The following GPD1 variants were observed in gnomAD, a reference collection of about 807,000 sequenced individuals.
GPD1 encodes glycerol-3-phosphate dehydrogenase [NAD(+)], cytoplasmic.
In GPD1, 19 loss-of-function variants were observed where a neutral mutation model predicts 34.4. The ratio of observed to expected loss-of-function variants is 0.55; its 90% confidence interval spans 0.39 to 0.81. The LOEUF is 0.81. Ranked by LOEUF, GPD1 falls within the 30% of genes least tolerant of loss-of-function variation. The probability of loss-of-function intolerance (pLI) is 0.00; values close to 1 mark genes in which losing one functional copy is unlikely to be tolerated. For synonymous variants in GPD1, 172 were observed against 174.1 expected (o/e 0.99, Z 0.09); for missense variants, 429 against 447.0 (o/e 0.96, Z 0.36).
intron 1 of GPD1, 35 bp downstream of exon 1, chr12:50,104,126 T>TACC (rs1387181364): frequency 1.9e-6 from 3 of 1,599,480 alleles, no homozygotes; most frequent in Non-Finnish European, 2.6e-6. Context: ...GGGGGAAGGG[T>TACC]AGGCCCCCCA....
chr12:50,104,534 T>C, intron 1 of GPD1, 40 bp from the exon 2 acceptor site: 1 of 1,542,022 alleles, frequency 6.5e-7, no homozygotes, highest in Non-Finnish European at 9.0e-7. Flanking sequence ...CTGCCACTGT[T>C]CCCTCCTCCT....
rs200251017 is a variant in GPD1, at chr12:50,107,622, C to T, written c.668C>T (p.Thr223Ile). Residue 223 changes from threonine to isoleucine, a missense_variant, in exon 6 of 8, where the codon ACC (threonine) becomes ATC (isoleucine). By Grantham distance (89) the Thr-to-Ile change is moderately conservative. Coordinates refer to ENST00000301149, the MANE Select transcript of GPD1 (RefSeq NM_005276.4). ...GATGGCCTGGGCTTTGGCGACAACA[C>T]CAAGGCGGCAGTGATCCGGCTGGGA... is the stretch of plus-strand genomic sequence containing the variant. ...FCDGLGFGDN[T>I]KAAVIRLGLM... The T allele has an allele frequency of 2.2e-5, 36 of 1,614,022 alleles. 2 individuals are homozygous for T. The highest frequency in any genetic ancestry group is 2.9e-5 in the Non-Finnish European group (34 of 1,180,014).
At chr12:50,107,189 C>T in intron 5 of GPD1, 1 of 663,436 alleles carries the variant, frequency 1.5e-6, no homozygotes, top group South Asian at 1.5e-5. Context: ...AGGAGGTGGT[C>T]CAGGGGGACA....
Position 50,106,300 on chromosome 12 carries a change from G to T in GPD1, c.373G>T (p.Gly125Cys), listed in dbSNP as rs1435028234. The change falls in exon 4 of 8, where the codon GGC becomes TGC. Residue 125 changes from glycine to cysteine, a missense_variant. Transcript: ENST00000301149. ...GISLIKGVDEGPNGLKLISEV... is the reference protein window; with the variant it reads ...GISLIKGVDECPNGLKLISEV... ...ATCCTGTGCTCAGGGGGTAGACGAG[G>T]GCCCCAATGGGCTGAAGCTCATCTC... The T allele has an allele frequency of 1.9e-6, 3 of 1,610,940 alleles. 1 individual carries two copies. In the South Asian group the frequency reaches 3.3e-5, roughly 18 times the overall value.
chr12:50,105,469 C>T, intron 2 of GPD1, 79 bp from the exon 3 acceptor site: 1 of 1,457,790 alleles, frequency 6.9e-7, no homozygotes, highest in Non-Finnish European at 9.4e-7. Flanking sequence ...CACTCTTTGG[C>T]TCCCAGATCT....
At position 50,104,564 on chromosome 12, in the gene GPD1, C is replaced by G; in HGVS notation, c.42-10C>G. ...CCTCCTGTACTTTCCTGTGCTCCCC[C>G]TCCCACCAGGGGCTCAGCCATCGCC... On this transcript the variant is annotated splice_polypyrimidine_tract_variant and intron_variant, in intron 1 of 7. Coordinates refer to ENST00000301149, the MANE Select transcript of GPD1 (RefSeq NM_005276.4). 1 of 1,610,726 alleles carries G rather than the reference C, an allele frequency of 6.2e-7. No homozygotes were observed. The highest frequency in any genetic ancestry group is 1.3e-5 in the African/African-American group (1 of 74,982).
rs1243752345 is a variant in GPD1 at position 50,106,816 on chromosome 12, C to T, written c.511C>T (p.Pro171Ser). Residue 171 changes from proline (P) to serine (S), a missense_variant, in exon 5 of 8, where the codon CCG (proline) becomes TCG (serine). Coordinates refer to ENST00000301149, the MANE Select transcript of GPD1 (RefSeq NM_005276.4). ...CCTCCTCACTTTAGGCTGCAAGGAC[C>T]CGGCCCAGGGACAACTCCTGAAAGA... ...FCETTIGCKDPAQGQLLKELM... is the reference protein window; with the variant it reads ...FCETTIGCKDSAQGQLLKELM... 1 of 1,599,956 alleles carries T rather than the reference C, an allele frequency of 6.3e-7. No homozygotes were observed. Among genetic ancestry groups the T allele is most frequent in the African/African-American group, 1.3e-5 (1 of 74,576 alleles).
chr12:50,106,799 C>T lies in GPD1; in HGVS notation c.500-6C>T, dbSNP rs369328331. 24 of 1,559,680 alleles carry T rather than the reference C, an allele frequency of 1.5e-5. No individual in the cohort carries two copies. The African/African-American group carries it at 2.6e-4, about 17-fold the overall frequency. On this transcript the variant is annotated splice_polypyrimidine_tract_variant and splice_region_variant and intron_variant, in intron 4 of 7. Coordinates refer to ENST00000301149, the MANE Select transcript of GPD1 (RefSeq NM_005276.4). ...CCCTCAAAGCCTTGCCCCCTCCTCA[C>T]TTTAGGCTGCAAGGACCCGGCCCAG...
intron 4 of GPD1, 122 bp from the exon 5 acceptor site, chr12:50,106,683 G>T: frequency 1.5e-6 from 1 of 674,786 alleles, no homozygotes; most frequent in Non-Finnish European, 2.5e-6. Flanking sequence ...GAGGTGGGAG[G>T]ATCGCTTAAG....
intron 1 of GPD1, 93 bp downstream of exon 1, chr12:50,104,184 T>G: frequency 8.5e-7 from 1 of 1,181,806 alleles, no homozygotes; most frequent in Non-Finnish European, 1.3e-6. Context: ...GCCCTCAGGT[T>G]CCTGTTCAGC....
At position 50,107,777 on chromosome 12, in the gene GPD1, G is replaced by C. The variant is rs1323311620; in HGVS notation, c.823G>C (p.Glu275Gln). ...TGGAGGGCGGAACCGGAAAGTGGCT[G>C]AGGCCTTTGCGCGTACAGGAAAGGT... ...CYGGRNRKVA[E>Q]AFARTGKSIE... The change falls in exon 6 of 8, where the codon GAG becomes CAG. Residue 275 changes from glutamate (E) to glutamine (Q), a missense_variant. Transcript: ENST00000301149. 1 of 1,613,518 alleles carries C rather than the reference G, an allele frequency of 6.2e-7. No individual in the cohort carries two copies. Among genetic ancestry groups the C allele is most frequent in the Non-Finnish European group, 8.5e-7 (1 of 1,179,508 alleles).
At chr12:50,104,325 C>A in intron 1 of GPD1, 1 of 703,350 alleles carries the variant, frequency 1.4e-6, no homozygotes, top group East Asian at 2.7e-5. Context: ...TGTGAAGAGC[C>A]GCTTGAGTTT....
At position 50,108,302 on chromosome 12, in the gene GPD1, G is replaced by A. The variant is rs146745255; in HGVS notation, c.953+172G>A. Among the ~76,000 whole-genome samples the A allele has an allele frequency of 5.3e-4, 81 of 152,272 alleles. 1 individual carries two copies. The highest frequency in any genetic ancestry group is 5.2e-3 in the South Asian group (25 of 4,816). ...GCAGAGTCTGGCATGCCCATTGTCC[G>A]CCAGCTAGTTCATGGTCTTTGAACT... On this transcript the variant is annotated intron_variant, in intron 7 of 7. Coordinates refer to ENST00000301149, the MANE Select transcript of GPD1 (RefSeq NM_005276.4).
chr12:50,105,736 T>C (rs777874058), intron 3 of GPD1, 48 bp downstream of exon 3: 3 of 1,595,424 alleles, frequency 1.9e-6, no homozygotes, highest in Non-Finnish European at 2.6e-6. Context: ...GGCTCACTGT[T>C]GTGGGGTTCA....
At chr12:50,105,339 C>G (rs1248534226) in intron 2 of GPD1, 5 of 594,480 alleles carry the variant, frequency 8.4e-6, no homozygotes, top group Non-Finnish European at 1.5e-5. Flanking sequence ...CTCAAGAGCC[C>G]AGGACAGCTG....
In GPD1 at chr12:50,106,378, A is replaced by C; in HGVS notation, c.451A>C (p.Asn151His). The part of the protein sequence containing the change: ...GIPMSVLMGA[N>H]IASEVADEKF... ...CCCCATGAGTGTGCTGATGGGGGCC[A>C]ACATTGCCAGCGAGGTGGCTGATGA... The change falls in exon 4 of 8, where the codon AAC (asparagine) becomes CAC (histidine). Residue 151 changes from asparagine to histidine, a missense_variant. Transcript: ENST00000301149. 1 of 1,613,750 alleles carries C rather than the reference A, an allele frequency of 6.2e-7. No individual in the cohort carries two copies. Among genetic ancestry groups the C allele is most frequent in the East Asian group, 2.2e-5 (1 of 44,844 alleles).
At chr12:50,105,825 TGGAGAGG>T in intron 3 of GPD1, 137 bp downstream of exon 3, 1 of 884,472 alleles carries the variant, frequency 1.1e-6, no homozygotes, top group Non-Finnish European at 1.8e-6. Context: ...CAGTTGGCTC[TGGAGAGG>T]CTTAGGAAAG....
At chr12:50,105,088 G>A (rs916352884) in intron 2 of GPD1, 1 of 335,962 alleles carries the variant, frequency 3.0e-6, no homozygotes, top group Non-Finnish European at 5.5e-6. Flanking sequence ...CCGACTTGGA[G>A]GCTGCTCCTT....
At chr12:50,107,470 C>T (rs1456811003) in intron 5 of GPD1, 97 bp from the exon 6 acceptor site, 5 of 929,594 alleles carry the variant, frequency 5.4e-6, no homozygotes, top group Non-Finnish European at 8.9e-6. Context: ...CTCTCTTCTG[C>T]AGTGGGTGTC....
Sources: allele counts gnomAD v4.1 joint callset (sites outside exome capture counted in the v4.1 genomes callset), GRCh38; gene constraint gnomAD v4.1.1; transcripts MANE v1.5; gene names NCBI Gene and HGNC (gene_info 2026-07-23, HGNC 2026-07-21).